The following GRM8 variants were observed in gnomAD, a reference collection of about 807,000 sequenced individuals.
The protein encoded by GRM8 is metabotropic glutamate receptor 8.
Under a neutral mutation model 87.2 loss-of-function variants are expected in GRM8, and 47 were observed. That is an observed-to-expected ratio of 0.54 (90% confidence interval 0.43 to 0.69). GRM8 has a LOEUF of 0.69. Among genes scored for constraint, GRM8 ranks in the 30% least tolerant of loss-of-function variants. GRM8 has a pLI of 0.00. For synonymous variants in GRM8, 396 were observed against 404.5 expected, an observed-to-expected ratio of 0.98 and a Z score of 0.25; for missense variants, 1,019 against 1,139.2, an observed-to-expected ratio of 0.89 and a Z score of 1.52.
intron 7 of GRM8, among the ~76,000 whole-genome samples, chr7:126,669,840 A>G (rs1806196995): frequency 6.6e-6 from 1 of 152,256 alleles, no homozygotes; most frequent in Non-Finnish European, 1.5e-5. Context: ...GCATGGAAAT[A>G]TAAATTTTTG....
At chr7:127,204,480 T>G (rs3808117) in intron 2 of GRM8, among the ~76,000 whole-genome samples, 26,424 of 152,134 alleles carry the variant, frequency 0.17, 2,497 homozygotes, top group Middle Eastern at 0.21. Flanking sequence ...CAGAGGGTGA[T>G]AAACAGATCT....
intron 6 of GRM8, among the ~76,000 whole-genome samples, chr7:126,867,394 C>T (rs1798692976): frequency 6.6e-6 from 1 of 152,200 alleles, no homozygotes; most frequent in African/African-American, 2.4e-5. Context: ...AAATTGGGCA[C>T]TTTCTTACCC....
At chr7:126,613,687 C>A (rs552782950) in intron 7 of GRM8, among the ~76,000 whole-genome samples, 3 of 152,212 alleles carry the variant, frequency 2.0e-5, no homozygotes, top group Non-Finnish European at 4.4e-5. Flanking sequence ...CTTAATACTG[C>A]GCTTTTCCAA....
intron 8 of GRM8, among the ~76,000 whole-genome samples, chr7:126,549,297 G>GA (rs1792305372): frequency 6.6e-6 from 1 of 151,982 alleles, no homozygotes. Context: ...TGTGCAAATA[G>GA]ATTGAAAGTC....
Position 126,533,418 on chromosome 7 carries a change from A to T in GRM8, c.1964T>A (p.Leu655Gln). The T allele has an allele frequency of 6.2e-7, 1 of 1,614,026 alleles. No individual in the cohort carries two copies. The highest frequency in any genetic ancestry group is 8.5e-7 in the Non-Finnish European group (1 of 1,179,954). The change falls in exon 9 of 11, where the codon CTA becomes CAA. Residue 655 changes from leucine (L) to glutamine (Q), a missense_variant. Transcript: ENST00000339582. ...ATAGCTGAAACACATGCCAAGTCCT[A>T]GGAAGACCCGTCGGAAGGAGCATAT... is the stretch of plus-strand genomic sequence containing the variant. ...TIICSFRRVF[L>Q]GLGMCFSYAA...
chr7:127,113,765 CA>C (rs35217622), intron 2 of GRM8, among the ~76,000 whole-genome samples: 1 of 150,910 alleles, frequency 6.6e-6, no homozygotes, highest in East Asian at 1.9e-4. Context: ...AAACTCAGGT[CA>C]AAAAAAAGCA....
intron 3 of GRM8, among the ~76,000 whole-genome samples, chr7:127,103,448 T>G (rs753792441): frequency 6.6e-6 from 1 of 152,168 alleles, no homozygotes; most frequent in Non-Finnish European, 1.5e-5. Context: ...TCTGCCATGA[T>G]TGTAGGCCTC....
intron 3 of GRM8, among the ~76,000 whole-genome samples, chr7:126,998,340 T>G (rs1457664729): frequency 6.6e-6 from 1 of 151,870 alleles, no homozygotes; most frequent in Admixed American, 6.6e-5. Context: ...GCCTTTCCTC[T>G]AAGCTCTAGA....
chr7:127,070,805 G>A (rs976935519), intron 3 of GRM8, among the ~76,000 whole-genome samples: 1 of 152,138 alleles, frequency 6.6e-6, no homozygotes, highest in South Asian at 2.1e-4. Flanking sequence ...TTTTAGAACT[G>A]GTGACAGCAA....
chr7:126,778,412 C>G (rs10240031), intron 6 of GRM8, among the ~76,000 whole-genome samples: 1 of 152,010 alleles, frequency 6.6e-6, no homozygotes, highest in Non-Finnish European at 1.5e-5. Flanking sequence ...CCTAGAGTTT[C>G]GAAAACACTG....
intron 3 of GRM8, among the ~76,000 whole-genome samples, chr7:126,962,224 A>G (rs1809392866): frequency 6.6e-6 from 1 of 152,224 alleles, no homozygotes; most frequent in South Asian, 2.1e-4. Context: ...AAGGGTAGGT[A>G]TTAGGGTCAA....
intron 6 of GRM8, among the ~76,000 whole-genome samples, chr7:126,787,497 T>C (rs1345446995): frequency 6.6e-6 from 1 of 152,208 alleles, no homozygotes; most frequent in African/African-American, 2.4e-5. Flanking sequence ...ACTCTATTAA[T>C]GAAAAGTCTT....
chr7:126,712,431 A>G (rs1417009761), intron 7 of GRM8, among the ~76,000 whole-genome samples: 1 of 152,210 alleles, frequency 6.6e-6, no homozygotes, highest in African/African-American at 2.4e-5. Flanking sequence ...AATTACCAAA[A>G]TGTTAAACAG....
intron 3 of GRM8, among the ~76,000 whole-genome samples, chr7:127,092,155 G>T (rs938741528): frequency 6.6e-6 from 1 of 150,720 alleles, no homozygotes; most frequent in South Asian, 2.1e-4. Flanking sequence ...TTAAGCTTTT[G>T]CTTATCTCTC....
intron 2 of GRM8, among the ~76,000 whole-genome samples, chr7:127,136,494 A>C (rs1401842693): frequency 6.6e-6 from 1 of 152,252 alleles, no homozygotes; most frequent in East Asian, 1.9e-4. Flanking sequence ...TATAACATAA[A>C]ATGTGAAGAT....
At chr7:126,693,613 T>C (rs891648946) in intron 7 of GRM8, among the ~76,000 whole-genome samples, 2 of 152,180 alleles carry the variant, frequency 1.3e-5, no homozygotes, top group Admixed American at 1.3e-4. Flanking sequence ...TTAAAATAGG[T>C]ACAAATACTT....
Position 126,533,671 on chromosome 7 carries a change from G to A in GRM8, c.1711C>T (p.Leu571Phe). 1 of 1,614,044 alleles carries A rather than the reference G, an allele frequency of 6.2e-7. No homozygotes were observed. The highest frequency in any genetic ancestry group is 8.5e-7 in the Non-Finnish European group (1 of 1,179,932). The stretch of plus-strand genomic sequence containing the variant: ...CACTCCAATTTGATGATGGGGATAA[G>A]CTGGCAGCCTGTGCGGTTCATGTTG... ...RPNMNRTGCQ[L>F]IPIIKLEWHS... is the part of the protein sequence containing the mutation. Residue 571 changes from leucine to phenylalanine, a missense_variant, in exon 9 of 11, where the codon CTT (leucine) becomes TTT (phenylalanine). Physicochemically the swap from Leu to Phe is conservative, Grantham distance 22 (BLOSUM62 0). Transcript: ENST00000339582.
chr7:126,631,251 GA>G (rs754265556), intron 7 of GRM8, among the ~76,000 whole-genome samples: 12 of 151,952 alleles, frequency 7.9e-5, no homozygotes, highest in Non-Finnish European at 1.5e-4. Flanking sequence ...GGCAAGCCAA[GA>G]GCCAAATCAT....
chr7:126,827,783 T>C (rs1367692688), intron 6 of GRM8, among the ~76,000 whole-genome samples: 1 of 152,246 alleles, frequency 6.6e-6, no homozygotes, highest in Non-Finnish European at 1.5e-5. Context: ...CATCCCTGTC[T>C]TGTGCCAGTT....
Sources: allele counts gnomAD v4.1 joint callset (sites outside exome capture counted in the v4.1 genomes callset), GRCh38; gene constraint gnomAD v4.1.1; transcripts MANE v1.5; gene names NCBI Gene and HGNC (gene_info 2026-07-23, HGNC 2026-07-21).